Variants in TMEM62 observed in about 807,000 individuals in gnomAD.
The protein encoded by TMEM62 is transmembrane protein 62.
Under a neutral mutation model 70.4 loss-of-function variants are expected in TMEM62, and 41 were observed. The ratio of observed to expected loss-of-function variants is 0.58; its 90% CI spans 0.45 to 0.76. The LOEUF (loss-of-function observed/expected upper bound fraction) is 0.76, where lower values mean the gene tolerates loss of function less well. TMEM62 is among the 30% of genes least tolerant of loss of function. The pLI is 0.00. For missense variants in TMEM62, 688 were observed against 788.5 expected (o/e 0.87, Z 1.53); for synonymous variants, 268 against 291.0 (o/e 0.92, Z 0.80).
rs778420884 is a variant in TMEM62 at position 43,149,162 on chromosome 15, C to T, written c.866+11C>T. ...GAAGGATAATAGGAGGTAAGGGAAC[C>T]TCCCCATAGAAGAAAACTTATACAC... On this transcript the variant is annotated intron_variant, in intron 7 of 13. Transcript: ENST00000260403. 2.5e-6 allele frequency: 4 copies of T among 1,613,314 alleles called. No individual in the cohort carries two copies. Among genetic ancestry groups the T allele is most frequent in the Non-Finnish European group, 2.5e-6 (3 of 1,179,788 alleles).
intron 9 of TMEM62, 111 bp from the exon 10 acceptor site, chr15:43,160,552 CAACAACAACAACAACAAT>C: frequency 1.6e-6 from 1 of 606,628 alleles, no homozygotes; most frequent in Non-Finnish European, 2.8e-6. Context: ...AAAACAACAA[CAACAACAACAACAACAAT>C]AACAACAACA....
intron 4 of TMEM62, chr15:43,146,091 T>C (rs1472945623): frequency 6.4e-6 from 1 of 155,704 alleles, no homozygotes; most frequent in Non-Finnish European, 1.4e-5. Context: ...TAAGCCTCTG[T>C]AGTCCTGTTT....
At chr15:43,148,652 TATA>T (rs2036970006) in intron 5 of TMEM62, 100 bp from the exon 6 acceptor site, 1 of 1,382,810 alleles carries the variant, frequency 7.2e-7, no homozygotes, top group African/African-American at 1.5e-5. Flanking sequence ...CCTAGACACA[TATA>T]ATAATTATTA....
intron 10 of TMEM62, among the ~76,000 whole-genome samples, chr15:43,164,530 A>C (rs2039154100): frequency 1.4e-5 from 2 of 146,434 alleles, no homozygotes; most frequent in South Asian, 4.3e-4. Context: ...GCTAATTTTT[A>C]CTTTTTTTTT....
chr15:43,139,438 A>G (rs2035701484), intron 4 of TMEM62, among the ~76,000 whole-genome samples: 2 of 152,162 alleles, frequency 1.3e-5, no homozygotes, highest in South Asian at 4.1e-4. Context: ...AACATCTCTC[A>G]CTTTAAATCA....
chr15:43,170,237 C>T (rs1043380576), intron 11 of TMEM62, among the ~76,000 whole-genome samples: 1 of 152,192 alleles, frequency 6.6e-6, no homozygotes, highest in Non-Finnish European at 1.5e-5. Flanking sequence ...TGTGCCCAAA[C>T]TCTAAAAGGG....
At chr15:43,161,443 A>G (rs188332244) in intron 10 of TMEM62, among the ~76,000 whole-genome samples, 8 of 151,070 alleles carry the variant, frequency 5.3e-5, no homozygotes, top group African/African-American at 1.9e-4. Flanking sequence ...AAGGCTTTTT[A>G]AAGAATATTT....
intron 4 of TMEM62, among the ~76,000 whole-genome samples, chr15:43,141,416 G>A (rs1045274971): frequency 7.9e-5 from 12 of 152,170 alleles, no homozygotes; most frequent in African/African-American, 2.7e-4. Flanking sequence ...TTTACAGCAT[G>A]GTTTACTGAA....
intron 9 of TMEM62, among the ~76,000 whole-genome samples, chr15:43,155,886 G>A (rs1037356564): frequency 1.2e-4 from 18 of 152,206 alleles, no homozygotes; most frequent in African/African-American, 4.3e-4. Context: ...AGCATATGCA[G>A]TACCAGTTTG....
chr15:43,136,694 G>T (rs1372474342), intron 3 of TMEM62, among the ~76,000 whole-genome samples: 2 of 151,426 alleles, frequency 1.3e-5, no homozygotes, highest in Non-Finnish European at 1.5e-5. Context: ...GACCTCAAAT[G>T]ATCTGCCCCT....
At chr15:43,177,977 C>T (rs1272560606) in intron 11 of TMEM62, among the ~76,000 whole-genome samples, 4 of 150,810 alleles carry the variant, frequency 2.7e-5, no homozygotes, top group Non-Finnish European at 4.4e-5. Flanking sequence ...TGCACATGTA[C>T]CCTAAAACTT....
intron 3 of TMEM62, among the ~76,000 whole-genome samples, chr15:43,138,199 C>T (rs1167506099): frequency 6.6e-6 from 1 of 152,148 alleles, no homozygotes; most frequent in Non-Finnish European, 1.5e-5. Context: ...TGAGTCTAGC[C>T]ATACTGGTTC....
intron 11 of TMEM62, among the ~76,000 whole-genome samples, chr15:43,177,618 T>C (rs1227012677): frequency 1.3e-5 from 2 of 152,042 alleles, no homozygotes; most frequent in Non-Finnish European, 2.9e-5. Flanking sequence ...CCAACAACGA[T>C]AGACTGGATT....
At chr15:43,156,320 T>A (rs1039018358) in intron 9 of TMEM62, among the ~76,000 whole-genome samples, 1 of 152,204 alleles carries the variant, frequency 6.6e-6, no homozygotes, top group Non-Finnish European at 1.5e-5. Context: ...ACCCTTGGTT[T>A]GTAAATGGAG....
At chr15:43,151,559 T>C (rs2037397137) in intron 7 of TMEM62, among the ~76,000 whole-genome samples, 1 of 152,192 alleles carries the variant, frequency 6.6e-6, no homozygotes, top group Admixed American at 6.5e-5. Flanking sequence ...CCAGGTGTTG[T>C]TCAAGAGCAC....
At chr15:43,142,941 G>T (rs1278243528) in intron 4 of TMEM62, among the ~76,000 whole-genome samples, 1 of 151,628 alleles carries the variant, frequency 6.6e-6, no homozygotes, top group Admixed American at 6.6e-5. Flanking sequence ...AAGTGCTAGG[G>T]TAACAGGCGT....
intron 4 of TMEM62, among the ~76,000 whole-genome samples, chr15:43,140,557 A>G (rs900999876): frequency 6.6e-6 from 1 of 152,138 alleles, no homozygotes; most frequent in African/African-American, 2.4e-5. Flanking sequence ...CCTTCTCTCT[A>G]TCAATACCTG....
chr15:43,167,852 G>T (rs1015677887), intron 10 of TMEM62, among the ~76,000 whole-genome samples: 1 of 152,106 alleles, frequency 6.6e-6, no homozygotes, highest in African/African-American at 2.4e-5. Flanking sequence ...CTGAGTGAAC[G>T]AGACTCCGTC....
At chr15:43,159,341 T>G (rs1471152018) in intron 9 of TMEM62, among the ~76,000 whole-genome samples, 4 of 152,322 alleles carry the variant, frequency 2.6e-5, no homozygotes, top group African/African-American at 9.6e-5. Flanking sequence ...TTCATTCTTT[T>G]TATGCTTTTT....
Sources: gnomAD v4.1 joint callset for allele counts (sites outside exome capture counted in the v4.1 genomes callset) on GRCh38, gnomAD v4.1.1 for gene constraint, MANE v1.5 for transcripts, NCBI Gene and HGNC (gene_info 2026-07-23, HGNC 2026-07-21) for gene names.